The following CRYBG3 variants were observed in gnomAD, a reference collection of about 807,000 sequenced individuals.
The protein encoded by CRYBG3 is very large A-kinase anchor protein.
CRYBG3 carries 127 observed loss-of-function variants against 244.2 expected under a neutral mutation model. That is an observed-to-expected ratio of 0.52 (90% CI 0.45 to 0.60). The LOEUF (loss-of-function observed/expected upper bound fraction) is 0.60. Among genes scored for constraint, CRYBG3 ranks in the 20% least tolerant of loss-of-function variants. The pLI, the probability that CRYBG3 is intolerant of heterozygous loss-of-function variation, is 0.00. For missense variants in CRYBG3, 3,325 were observed against 3,442.5 expected (o/e 0.97, Z 0.85); for synonymous variants, 1,132 against 1,195.8 (o/e 0.95, Z 1.10).
intron 21 of CRYBG3, chr3:97,943,023 A>G: frequency 1.8e-6 from 1 of 543,200 alleles, no homozygotes; most frequent in Admixed American, 3.6e-5. Context: ...ACCTTTTAGT[A>G]TTTCAATTTG....
intron 17 of CRYBG3, among the ~76,000 whole-genome samples, chr3:97,930,658 A>C (rs1215443259): frequency 6.6e-6 from 1 of 152,066 alleles, no homozygotes; most frequent in African/African-American, 2.4e-5. Context: ...TGTACTGTCC[A>C]ACACCATAGC....
intron 17 of CRYBG3, among the ~76,000 whole-genome samples, chr3:97,931,793 TTCCTGGCCA>T (rs2040100003): frequency 6.6e-6 from 1 of 152,064 alleles, no homozygotes; most frequent in Non-Finnish European, 1.5e-5. Flanking sequence ...ATTAATAGTC[TTCCTGGCCA>T]TCCTTTACTC....
chr3:97,869,657 C>T (rs1422321904), intron 3 of CRYBG3, among the ~76,000 whole-genome samples: 2 of 152,150 alleles, frequency 1.3e-5, no homozygotes, highest in Non-Finnish European at 2.9e-5. Flanking sequence ...TGTTTCATAA[C>T]AGTCCTTGAT....
chr3:97,886,206 G>GT (rs1046908931), intron 7 of CRYBG3, among the ~76,000 whole-genome samples: 6 of 152,078 alleles, frequency 3.9e-5, no homozygotes, highest in African/African-American at 1.4e-4. Flanking sequence ...TTCTCTACTT[G>GT]TTTTTTTATA....
Position 97,875,281 on chromosome 3 carries a change from C to T in CRYBG3, c.4087C>T (p.Gln1363Ter). The T allele has an allele frequency of 6.8e-7, 1 of 1,462,700 alleles. No individual in the cohort carries two copies. Among genetic ancestry groups the T allele is most frequent in the Non-Finnish European group, 9.0e-7 (1 of 1,116,074 alleles). The allele number at this position is 1,462,700 out of a possible 1,614,324, so 90.6% of individuals were successfully genotyped here. The stretch of plus-strand genomic sequence containing the variant: ...AGTTAGAGAGTTCTTGGTTTCAGAA[C>T]AGCCAGTAAATCAAAGCACACAAAT... ...DVVREFLVSEQPVNQSTQISE... is the reference protein window; with the variant it reads ...DVVREFLVSE The change falls in exon 4 of 22, where the codon CAG becomes TAG. Residue 1363 changes from glutamine (Q) to a stop codon, truncating the protein, a stop_gained. Coordinates refer to ENST00000389622, the MANE Select transcript of CRYBG3 (RefSeq NM_153605.4). LOFTEE classifies it high-confidence loss of function.
In CRYBG3 at chr3:97,842,373, G is replaced by T. The variant is rs140811225; in HGVS notation, c.150-822G>T. ...AGGCCAGGAGTTCAAGACCAGCCTGGGCAACATAGTTGAGACCCCCATCTC... is the reference window on the plus strand; with the variant it reads ...AGGCCAGGAGTTCAAGACCAGCCTGTGCAACATAGTTGAGACCCCCATCTC... On this transcript the variant is annotated intron_variant, in intron 1 of 21. Transcript: ENST00000389622. 1.4e-3 allele frequency among the ~76,000 whole-genome samples: 216 copies of T among 152,044 alleles called. 1 individual carries two copies. The highest frequency in any genetic ancestry group is 4.9e-3 in the African/African-American group (202 of 41,486).
At chr3:97,885,415 T>A (rs2108227499) in intron 7 of CRYBG3, among the ~76,000 whole-genome samples, 1 of 152,282 alleles carries the variant, frequency 6.6e-6, no homozygotes, top group East Asian at 1.9e-4. Flanking sequence ...TGCATTTGAA[T>A]CTCACAGTGT....
At chr3:97,912,720 A>C (rs1479658561) in intron 16 of CRYBG3, among the ~76,000 whole-genome samples, 1 of 152,192 alleles carries the variant, frequency 6.6e-6, no homozygotes, top group Non-Finnish European at 1.5e-5. Flanking sequence ...CCAAGATCAC[A>C]TACCAAATTT....
chr3:97,829,555 A>G (rs1576506191), intron 1 of CRYBG3, among the ~76,000 whole-genome samples: 1 of 152,326 alleles, frequency 6.6e-6, no homozygotes, highest in South Asian at 2.1e-4. Flanking sequence ...TGTGTACAAA[A>G]TTGATGTGCC....
At chr3:97,855,200 G>T (rs561196386) in intron 2 of CRYBG3, among the ~76,000 whole-genome samples, 1 of 151,950 alleles carries the variant, frequency 6.6e-6, no homozygotes, top group African/African-American at 2.4e-5. Flanking sequence ...CTTAATTATG[G>T]TATATAATCT....
chr3:97,868,109 C>T (rs1177312181), intron 3 of CRYBG3, among the ~76,000 whole-genome samples: 1 of 151,990 alleles, frequency 6.6e-6, no homozygotes, highest in Non-Finnish European at 1.5e-5. Flanking sequence ...CGGTGAAACC[C>T]TTTCTCTACT....
chr3:97,923,459 C>T (rs934422879), intron 17 of CRYBG3, among the ~76,000 whole-genome samples: 2 of 152,026 alleles, frequency 1.3e-5, no homozygotes, highest in Non-Finnish European at 2.9e-5. Flanking sequence ...CAAAAACTTA[C>T]AGTAAACATC....
In CRYBG3 at chr3:97,876,065, TGAA is replaced by T. The variant is rs1303390608; in HGVS notation, c.4873_4875del (p.Lys1625del). On this transcript the variant is annotated inframe_deletion, in exon 4 of 22. Transcript: ENST00000389622. Reference sequence around the variant, plus strand: ...TTAGGAATGGAAAAAGCTTATAAGATGAAGGATACTGAAGGGGATATTGGCAAA... The same window carrying T: ...TTAGGAATGGAAAAAGCTTATAAGATGGATACTGAAGGGGATATTGGCAAA... 1 of 1,231,844 alleles carries T rather than the reference TGAA, an allele frequency of 8.1e-7. No individual in the cohort carries two copies. Among genetic ancestry groups the T allele is most frequent in the East Asian group, 3.2e-5 (1 of 31,700 alleles). The allele number at this position is 1,231,844 out of a possible 1,614,324, so 76.3% of individuals were successfully genotyped here.
At chr3:97,933,923 C>T (rs889001722) in intron 18 of CRYBG3, 90 bp downstream of exon 18, 47 of 1,081,378 alleles carry the variant, frequency 4.3e-5, no homozygotes, top group African/African-American at 1.1e-4. Flanking sequence ...TGTAGTAGTA[C>T]GCATTCAAGT....
chr3:97,913,703 A>G (rs2039898036), intron 16 of CRYBG3, among the ~76,000 whole-genome samples: 1 of 152,178 alleles, frequency 6.6e-6, no homozygotes, highest in South Asian at 2.1e-4. Context: ...CAAAGGTTGG[A>G]GGTCTCTGGT....
At chr3:97,940,328 A>G (rs1223534364) in intron 19 of CRYBG3, among the ~76,000 whole-genome samples, 4 of 152,020 alleles carry the variant, frequency 2.6e-5, no homozygotes, top group Non-Finnish European at 4.4e-5. Flanking sequence ...GTTAAGAGGA[A>G]CCTGGCTTCT....
intron 2 of CRYBG3, among the ~76,000 whole-genome samples, chr3:97,852,766 A>G (rs918599157): frequency 1.3e-5 from 2 of 152,104 alleles, no homozygotes; most frequent in African/African-American, 2.4e-5. Context: ...GTTTTCCATA[A>G]TGATTGTACC....
chr3:97,943,236 T>C lies in CRYBG3; in HGVS notation c.8835T>C (p.Tyr2945=), dbSNP rs749453925. Residue 2945 remains tyrosine, a synonymous_variant, in exon 22 of 22, where the codon TAT becomes TAC. Transcript: ENST00000389622. ...QLVLDVKGGN[Y]CDKTHVIVNQ... ...GAATTTCTATTTTAGGAGGAAATTA[T>C]TGTGACAAGACTCATGTAATTGTAA... 19 of 1,567,568 alleles carry C rather than the reference T, an allele frequency of 1.2e-5. No homozygotes were observed. Among genetic ancestry groups the C allele is most frequent in the East Asian group, 6.8e-5 (3 of 44,350 alleles).
chr3:97,906,504 G>T (rs1267683683), intron 15 of CRYBG3, among the ~76,000 whole-genome samples: 1 of 139,176 alleles, frequency 7.2e-6, no homozygotes, highest in Non-Finnish European at 1.6e-5. Context: ...TCTCTTTGAA[G>T]CAATTGTGAA....
Sources: gnomAD v4.1 joint callset for allele counts (sites outside exome capture counted in the v4.1 genomes callset) on GRCh38, gnomAD v4.1.1 for gene constraint, MANE v1.5 for transcripts, NCBI Gene and HGNC (gene_info 2026-07-23, HGNC 2026-07-21) for gene names.